The following SEMA6A variants were observed in gnomAD, a reference collection of about 807,000 sequenced individuals.
SEMA6A encodes the protein semaphorin 6A, also known as semaphorin-6A.
A neutral mutation model predicts 96.8 loss-of-function variants in SEMA6A; 25 were observed. The observed-to-expected ratio is 0.26, with a 90% CI of 0.19 to 0.36. SEMA6A has a LOEUF of 0.36. Among genes scored for constraint, SEMA6A ranks in the 10% least tolerant of loss-of-function variants. The pLI, the probability that SEMA6A is intolerant of heterozygous loss-of-function variation, is 1.00. For synonymous variants in SEMA6A, 612 were observed against 518.0 expected, an observed-to-expected ratio of 1.18 and a Z score of -2.46; for missense variants, 1,363 against 1,323.1, an observed-to-expected ratio of 1.03 and a Z score of -0.47.
intron 10 of SEMA6A, among the ~76,000 whole-genome samples, chr5:116,484,927 A>G (rs1339335717): frequency 3.9e-5 from 6 of 152,150 alleles, no homozygotes; most frequent in African/African-American, 1.2e-4. Flanking sequence ...ATGGGGCCAG[A>G]CCCTGTGGGG....
chr5:116,519,212 T>C (rs1402369409), intron 1 of SEMA6A, among the ~76,000 whole-genome samples: 2 of 152,148 alleles, frequency 1.3e-5, no homozygotes, highest in Non-Finnish European at 2.9e-5. Context: ...TATTTGGAAG[T>C]AAGGGAGCTA....
At chr5:116,448,699 G>T (rs897014213) in intron 18 of SEMA6A, among the ~76,000 whole-genome samples, 3 of 125,988 alleles carry the variant, frequency 2.4e-5, no homozygotes, top group Non-Finnish European at 4.7e-5. Context: ...TACACTGAGA[G>T]AATATAGCTA....
intron 1 of SEMA6A, among the ~76,000 whole-genome samples, chr5:116,554,277 A>G (rs1293794033): frequency 6.6e-6 from 1 of 152,008 alleles, no homozygotes; most frequent in Non-Finnish European, 1.5e-5. Context: ...AGAGGAGAGA[A>G]TGCTTACTCA....
At chr5:116,533,275 A>G (rs1435106352) in intron 1 of SEMA6A, among the ~76,000 whole-genome samples, 3 of 139,644 alleles carry the variant, frequency 2.1e-5, no homozygotes, top group Non-Finnish European at 4.6e-5. Context: ...TTTTTTTTCC[A>G]CTAGTCGTGC....
intron 1 of SEMA6A, among the ~76,000 whole-genome samples, chr5:116,549,127 A>C (rs190465053): frequency 2.9e-4 from 44 of 152,340 alleles, no homozygotes; most frequent in African/African-American, 9.9e-4. Context: ...AAAAAACATC[A>C]CATGCTAAAT....
At chr5:116,553,796 C>A (rs1308579477) in intron 1 of SEMA6A, among the ~76,000 whole-genome samples, 2 of 152,240 alleles carry the variant, frequency 1.3e-5, no homozygotes, top group East Asian at 1.9e-4. Context: ...GGGAAAAAAC[C>A]AACATCCTTT....
intron 6 of SEMA6A, 45 bp downstream of exon 6, chr5:116,495,368 A>T (rs1757541216): frequency 7.1e-7 from 1 of 1,410,004 alleles, no homozygotes; most frequent in Admixed American, 1.9e-5. Flanking sequence ...GTAAATTATG[A>T]AATGCCTCCT....
chr5:116,543,902 ACTT>A (rs991951545), intron 1 of SEMA6A, among the ~76,000 whole-genome samples: 2 of 152,090 alleles, frequency 1.3e-5, no homozygotes, highest in African/African-American at 4.8e-5. Flanking sequence ...TCTCTTCTCT[ACTT>A]CTCTGTTAAG....
At chr5:116,469,308 T>C (rs994230612) in intron 17 of SEMA6A, 6 of 152,232 alleles carry the variant, frequency 3.9e-5, no homozygotes, top group Admixed American at 2.6e-4. Context: ...TCTAGACTTT[T>C]TGTTTTTACA....
chr5:116,562,558 A>C, intron 1 of SEMA6A: 1 of 590,342 alleles, frequency 1.7e-6, no homozygotes. Flanking sequence ...GACAACGTGC[A>C]GAAATGGCAC....
chr5:116,464,264 C>G lies in SEMA6A; in HGVS notation c.1894+3319G>C, dbSNP rs571370325. Among the ~76,000 whole-genome samples, 4 of 152,220 alleles carry G rather than the reference C, an allele frequency of 2.6e-5. No individual in the cohort carries two copies. In the South Asian group the frequency reaches 8.3e-4, roughly 32 times the overall value. On this transcript the variant is annotated intron_variant, in intron 18 of 18. Transcript: ENST00000343348. ...GTCAGGGCTGCATCTCATTTATCAACTTGGTGATTAAAGGGCTCGCTCTAG... is the reference window on the plus strand; with the variant it reads ...GTCAGGGCTGCATCTCATTTATCAAGTTGGTGATTAAAGGGCTCGCTCTAG...
Position 116,563,639 on chromosome 5 carries a change from A to C in SEMA6A, c.-39+10546T>G, listed in dbSNP as rs555117659. On this transcript the variant is annotated intron_variant, in intron 1 of 18. Transcript: ENST00000343348. ...TTTACTTTTCTTAAGCTACGTGTGC[A>C]ATGTTGTGTCTAACCCGACACCCAA... is the stretch of plus-strand genomic sequence containing the variant. Among the ~76,000 whole-genome samples the C allele has an allele frequency of 6.2e-4, 95 of 152,356 alleles. 1 individual carries two copies. Among genetic ancestry groups the C allele is most frequent in the African/African-American group, 2.3e-3 (94 of 41,584 alleles).
Position 116,497,320 on chromosome 5 carries a change from A to AACTT in SEMA6A, c.279+3_279+6dup. The AACTT allele has an allele frequency of 1.7e-5, 26 of 1,561,300 alleles. No homozygotes were observed. Among genetic ancestry groups the AACTT allele is most frequent in the Non-Finnish European group, 7.9e-6 (9 of 1,134,000 alleles). On this transcript the variant is annotated splice_region_variant and intron_variant, in intron 4 of 18. Transcript: ENST00000343348. ...CATTTTACAAATATAGTTTTAAAAC[A>AACTT]ACTTACTTTGCTACAATAAATTTCT... is the stretch of plus-strand genomic sequence containing the variant.
chr5:116,547,441 T>G (rs1264919086), intron 1 of SEMA6A, among the ~76,000 whole-genome samples: 2 of 152,118 alleles, frequency 1.3e-5, no homozygotes, highest in Non-Finnish European at 2.9e-5. Context: ...CCAGCAAATT[T>G]GAGACATGTG....
intron 3 of SEMA6A, 97 bp downstream of exon 3, chr5:116,502,113 G>C: frequency 1.1e-6 from 1 of 878,786 alleles, no homozygotes; most frequent in South Asian, 1.6e-5. Context: ...ACTCTATTTA[G>C]AAACCTCAAG....
At chr5:116,471,383 G>A (rs540084818) in intron 17 of SEMA6A, 1 of 152,294 alleles carries the variant, frequency 6.6e-6, no homozygotes, top group East Asian at 1.9e-4. Context: ...GTTAAAATTG[G>A]TCTTGGTATG....
chr5:116,493,896 C>G (rs1460746916), intron 6 of SEMA6A, among the ~76,000 whole-genome samples: 1 of 152,170 alleles, frequency 6.6e-6, no homozygotes, highest in African/African-American at 2.4e-5. Flanking sequence ...CAGTGCCGTT[C>G]ACAGTGCTTG....
chr5:116,447,736 A>G lies in SEMA6A; in HGVS notation c.1970T>C (p.Leu657Pro). The change falls in exon 19 of 19, where the codon CTG becomes CCG. Residue 657 changes from leucine to proline, a missense_variant. Coordinates refer to ENST00000343348, the MANE Select transcript of SEMA6A (RefSeq NM_020796.5). ...GAAGACGGCCCCCATGACGAAAGCC[A>G]GGATGACTGCAATGGCCAAGAGGGT... Reference protein sequence around the residue: ...PVTLLAIAVILAFVMGAVFSG... With the variant: ...PVTLLAIAVIPAFVMGAVFSG... 6.2e-7 allele frequency: 1 copy of G among 1,613,942 alleles called. No individual in the cohort carries two copies. Among genetic ancestry groups the G allele is most frequent in the Non-Finnish European group, 8.5e-7 (1 of 1,179,830 alleles).
At chr5:116,509,601 TGTGTGTGAG>T (rs1758312155) in intron 1 of SEMA6A, among the ~76,000 whole-genome samples, 3 of 101,512 alleles carry the variant, frequency 3.0e-5, no homozygotes, top group Non-Finnish European at 5.7e-5. Context: ...GGTGTCTCTG[TGTGTGTGAG>T]AGAGAGAGAG....
Sources: gnomAD v4.1 joint callset for allele counts (sites outside exome capture counted in the v4.1 genomes callset) on GRCh38, gnomAD v4.1.1 for gene constraint, MANE v1.5 for transcripts, NCBI Gene and HGNC (gene_info 2026-07-23, HGNC 2026-07-21) for gene names.